The following LMBR1 variants were observed in gnomAD, a reference collection of about 807,000 sequenced individuals.
The protein encoded by LMBR1 is limb region 1 protein homolog.
In LMBR1, 52 loss-of-function variants were observed where a neutral mutation model predicts 73.9. That is an observed-to-expected ratio of 0.70 (90% confidence interval 0.56 to 0.89). LMBR1 has a LOEUF of 0.89. Ranked by LOEUF, LMBR1 falls within the 40% of genes least tolerant of loss-of-function variation. The pLI is 0.00. For missense variants in LMBR1, 539 were observed against 579.8 expected, an observed-to-expected ratio of 0.93 and a Z score of 0.72; for synonymous variants, 215 against 209.4, an observed-to-expected ratio of 1.03 and a Z score of -0.23.
At chr7:156,708,267 A>C (rs752269224) in intron 15 of LMBR1, among the ~76,000 whole-genome samples, 10 of 152,204 alleles carry the variant, frequency 6.6e-5, no homozygotes, top group South Asian at 2.1e-4. Flanking sequence ...CCTTTGAAAG[A>C]AGCAGCATAT....
chr7:156,870,107 A>AT (rs1466290795), intron 1 of LMBR1, among the ~76,000 whole-genome samples: 2 of 152,240 alleles, frequency 1.3e-5, no homozygotes, highest in Non-Finnish European at 2.9e-5. Context: ...AAACGGTAGA[A>AT]TAACGATTGG....
intron 5 of LMBR1, among the ~76,000 whole-genome samples, chr7:156,781,921 A>G (rs1276245704): frequency 6.6e-6 from 1 of 152,142 alleles, no homozygotes; most frequent in Non-Finnish European, 1.5e-5. Context: ...CATCACCACC[A>G]CCCATCTCCA....
intron 4 of LMBR1, among the ~76,000 whole-genome samples, chr7:156,807,209 G>A (rs1482047714): frequency 1.3e-5 from 2 of 152,130 alleles, no homozygotes; most frequent in Non-Finnish European, 2.9e-5. Flanking sequence ...TGTATTGTCT[G>A]CCTGGTTTTG....
intron 1 of LMBR1, among the ~76,000 whole-genome samples, chr7:156,870,296 G>C (rs1223181223): frequency 1.3e-5 from 2 of 152,174 alleles, no homozygotes; most frequent in Admixed American, 1.3e-4. Flanking sequence ...TTCTCCAGGA[G>C]AGAACACAAG....
In LMBR1 at chr7:156,763,170, C is replaced by A. The variant is rs752463239; in HGVS notation, c.557G>T (p.Trp186Leu). 2.3e-6 allele frequency: 3 copies of A among 1,312,440 alleles called. No individual in the cohort carries two copies. Among genetic ancestry groups the A allele is most frequent in the Admixed American group, 2.2e-5 (1 of 45,956 alleles). The allele number at this position is 1,312,440 out of a possible 1,614,324, so 81.3% of individuals were successfully genotyped here. The change falls in exon 7 of 17, where the codon TGG (tryptophan) becomes TTG (leucine). Residue 186 changes from tryptophan (W) to leucine (L), a missense_variant. Transcript: ENST00000353442. ...ATATAAATAGGGTAGATAGAACTCC[C>A]AGAGATCTATTAAAAAAAAGTAAAT... Reference protein sequence around the residue: ...AASMESLYDLWEFYLPYLYSC... With the variant: ...AASMESLYDLLEFYLPYLYSC...
chr7:156,725,884 A>G, intron 12 of LMBR1, 47 bp from the exon 13 acceptor site: 4 of 1,445,484 alleles, frequency 2.8e-6, no homozygotes, highest in Non-Finnish European at 3.9e-6. Context: ...ACACCATTAT[A>G]TTGGTTTCCC....
chr7:156,681,120 C>G lies in LMBR1; in HGVS notation c.*2958G>C, dbSNP rs1470409595. 6.9e-6 allele frequency: 3 copies of G among 432,834 alleles called. No individual in the cohort carries two copies. Among genetic ancestry groups the G allele is most frequent in the Non-Finnish European group, 1.4e-5 (3 of 220,034 alleles). The allele number at this position is 432,834 out of a possible 1,614,324, so 26.8% of individuals were successfully genotyped here. ...AACTTGTAAGAATTCTGCCTTTATG[C>G]ATTAAATAACGTGCTACCAACAAAA... On this transcript the variant is annotated 3_prime_UTR_variant, in exon 17 of 17. Coordinates refer to ENST00000353442, the MANE Select transcript of LMBR1 (RefSeq NM_022458.4).
At chr7:156,853,261 T>C (rs1796498027) in intron 1 of LMBR1, among the ~76,000 whole-genome samples, 1 of 152,154 alleles carries the variant, frequency 6.6e-6, no homozygotes, top group Non-Finnish European at 1.5e-5. Flanking sequence ...TTTTTTATTG[T>C]AAGTTGCCAC....
At chr7:156,892,795 C>T in intron 1 of LMBR1, 133 bp downstream of exon 1, 1 of 393,596 alleles carries the variant, frequency 2.5e-6, no homozygotes, top group Non-Finnish European at 4.1e-6. Context: ...GGAGGGAGAG[C>T]GGCAGAGGCC....
intron 15 of LMBR1, among the ~76,000 whole-genome samples, chr7:156,723,682 G>A (rs1315941445): frequency 1.3e-5 from 2 of 152,064 alleles, no homozygotes; most frequent in African/African-American, 4.8e-5. Flanking sequence ...ATTACACTGC[G>A]TTCACCTCTA....
chr7:156,818,715 A>G (rs576592378), intron 4 of LMBR1, among the ~76,000 whole-genome samples: 1 of 152,318 alleles, frequency 6.6e-6, no homozygotes, highest in Non-Finnish European at 1.5e-5. Flanking sequence ...AGGAAAACCC[A>G]CAAAGCAGCT....
intron 3 of LMBR1, among the ~76,000 whole-genome samples, chr7:156,827,651 T>C (rs1311845640): frequency 6.6e-6 from 1 of 152,090 alleles, no homozygotes; most frequent in Non-Finnish European, 1.5e-5. Context: ...AGAATGGATA[T>C]TAAAGTTCTA....
intron 1 of LMBR1, among the ~76,000 whole-genome samples, chr7:156,858,123 A>T (rs1426071323): frequency 6.6e-6 from 1 of 151,918 alleles, no homozygotes; most frequent in Non-Finnish European, 1.5e-5. Flanking sequence ...GAAAACAGGA[A>T]ATCAATTTTA....
intron 5 of LMBR1, among the ~76,000 whole-genome samples, chr7:156,784,648 C>T (rs935779364): frequency 6.6e-6 from 1 of 152,182 alleles, no homozygotes; most frequent in African/African-American, 2.4e-5. Context: ...TAAAATCAAT[C>T]TGTGAAACTG....
chr7:156,775,394 T>C (rs995727184), intron 5 of LMBR1, among the ~76,000 whole-genome samples: 2 of 152,108 alleles, frequency 1.3e-5, no homozygotes, highest in Admixed American at 6.6e-5. Flanking sequence ...AATGAAGATC[T>C]TCCTAAATAA....
At chr7:156,751,682 G>T (rs1288589787) in intron 9 of LMBR1, among the ~76,000 whole-genome samples, 1 of 152,196 alleles carries the variant, frequency 6.6e-6, no homozygotes, top group Non-Finnish European at 1.5e-5. Context: ...TCTGAAGCTG[G>T]AGCCAACAGC....
chr7:156,891,477 T>C (rs1454697012), intron 1 of LMBR1, among the ~76,000 whole-genome samples: 1 of 152,016 alleles, frequency 6.6e-6, no homozygotes, highest in Non-Finnish European at 1.5e-5. Context: ...AGATTCCATT[T>C]ACATAAAGTT....
At chr7:156,873,256 G>A (rs1051465664) in intron 1 of LMBR1, among the ~76,000 whole-genome samples, 3 of 151,834 alleles carry the variant, frequency 2.0e-5, no homozygotes, top group African/African-American at 2.4e-5. Flanking sequence ...AGACCTTCGC[G>A]GTGAGTGTTA....
At chr7:156,862,995 C>A (rs2134211814) in intron 1 of LMBR1, among the ~76,000 whole-genome samples, 1 of 152,272 alleles carries the variant, frequency 6.6e-6, no homozygotes, top group South Asian at 2.1e-4. Context: ...CGGAGCCAAT[C>A]ACTTATAATA....
Sources: allele counts gnomAD v4.1 joint callset (sites outside exome capture counted in the v4.1 genomes callset), GRCh38; gene constraint gnomAD v4.1.1; transcripts MANE v1.5; gene names NCBI Gene and HGNC (gene_info 2026-07-23, HGNC 2026-07-21).